The following SMG6 variants were observed in gnomAD, a reference collection of about 807,000 sequenced individuals.
SMG6 encodes telomerase-binding protein EST1A.
A neutral mutation model predicts 142.2 loss-of-function variants in SMG6; 66 were observed. The observed-to-expected ratio is 0.46, with a 90% CI of 0.38 to 0.57. The LOEUF (loss-of-function observed/expected upper bound fraction) is 0.57, where lower values mean the gene tolerates loss of function less well. Ranked by LOEUF, SMG6 falls within the 20% of genes least tolerant of loss-of-function variation. The pLI, the probability that SMG6 is intolerant of heterozygous loss-of-function variation, is 0.00. For synonymous variants in SMG6, 779 were observed against 702.4 expected, an observed-to-expected ratio of 1.11 and a Z score of -1.72; for missense variants, 1,793 against 1,832.0, an observed-to-expected ratio of 0.98 and a Z score of 0.39.
rs1158899807 is a variant in SMG6, at chr17:2,085,090, G to A, written c.3534+635C>T. 6.6e-6 allele frequency among the ~76,000 whole-genome samples: 1 copy of A among 152,140 alleles called. No homozygotes were observed. Among genetic ancestry groups the A allele is most frequent in the Non-Finnish European group, 1.5e-5 (1 of 68,042 alleles). On this transcript the variant is annotated intron_variant, in intron 14 of 18. Coordinates refer to ENST00000263073, the MANE Select transcript of SMG6 (RefSeq NM_017575.5). The surrounding 1 kb of genome is among the most constrained non-coding windows in gnomAD (Gnocchi z 4.1). ...GGCAACTGCCAGTGGACTATTGCAG[G>A]GGCGGGTACACAGGCTCATGCATGT...
intron 9 of SMG6, chr17:2,237,649 G>T: frequency 1.3e-6 from 1 of 756,784 alleles, no homozygotes; most frequent in Non-Finnish European, 1.6e-6. Flanking sequence ...AGGCTGTAAC[G>T]CAGGGAGGCA....
chr17:2,264,409 ACAAGTCCCT>A (rs2074378974), intron 8 of SMG6, among the ~76,000 whole-genome samples: 1 of 152,202 alleles, frequency 6.6e-6, no homozygotes, highest in Non-Finnish European at 1.5e-5. Context: ...TTGGCTTTGA[ACAAGTCCCT>A]CAAGTACACC....
chr17:2,293,731 C>T (rs2075089302), intron 4 of SMG6, among the ~76,000 whole-genome samples: 1 of 152,256 alleles, frequency 6.6e-6, no homozygotes, highest in South Asian at 2.1e-4. Flanking sequence ...GCCTCAGCAT[C>T]CCAAAGTGCT....
At chr17:2,172,903 C>A (rs1410027074) in intron 12 of SMG6, 44 bp from the exon 13 acceptor site, 6 of 1,566,248 alleles carry the variant, frequency 3.8e-6, no homozygotes, top group Middle Eastern at 1.7e-4. Context: ...AAAGAGGGAC[C>A]AGTAAAAAAA....
Position 2,283,844 on chromosome 17 carries a change from T to C in SMG6, c.2338-109A>G. The C allele has an allele frequency of 6.6e-6, 5 of 757,770 alleles. No individual in the cohort carries two copies. In the Admixed American group the frequency reaches 9.2e-5, roughly 14 times the overall value. The allele number at this position is 757,770 out of a possible 1,614,324, so 46.9% of individuals were successfully genotyped here. On this transcript the variant is annotated intron_variant, in intron 6 of 18. Transcript: ENST00000263073. ...ATCTCTCCCAGCCTGTCTCCCAAACTGAGAGGAATCCCAACAACAAAATCA... is the reference window on the plus strand; with the variant it reads ...ATCTCTCCCAGCCTGTCTCCCAAACCGAGAGGAATCCCAACAACAAAATCA...
At chr17:2,211,142 T>C (rs927513111) in intron 10 of SMG6, among the ~76,000 whole-genome samples, 1 of 149,592 alleles carries the variant, frequency 6.7e-6, no homozygotes, top group Non-Finnish European at 1.5e-5. Context: ...GAACATGCTA[T>C]AACAGGATGT....
chr17:2,290,291 G>A (rs923764678), intron 6 of SMG6, among the ~76,000 whole-genome samples: 1 of 152,116 alleles, frequency 6.6e-6, no homozygotes, highest in Admixed American at 6.6e-5. Flanking sequence ...TGAACAGAGA[G>A]GCCAGAAATA....
intron 10 of SMG6, chr17:2,215,436 A>G (rs945556105): frequency 6.6e-6 from 1 of 152,214 alleles, no homozygotes; most frequent in Non-Finnish European, 1.5e-5. Flanking sequence ...ACTCATTGAT[A>G]AGAGGAAACG....
At chr17:2,238,989 G>A (rs1191542016) in intron 9 of SMG6, among the ~76,000 whole-genome samples, 1 of 152,070 alleles carries the variant, frequency 6.6e-6, no homozygotes, top group African/African-American at 2.4e-5. Flanking sequence ...ACCACGGGAG[G>A]CACAGATAAA....
intron 13 of SMG6, among the ~76,000 whole-genome samples, chr17:2,146,705 A>T (rs2070679187): frequency 6.6e-6 from 1 of 152,258 alleles, no homozygotes; most frequent in Non-Finnish European, 1.5e-5. Context: ...AGCTAGGACT[A>T]CAGGCGCATG....
chr17:2,234,633 G>T (rs933175490), intron 10 of SMG6, among the ~76,000 whole-genome samples: 2 of 152,144 alleles, frequency 1.3e-5, no homozygotes, highest in African/African-American at 4.8e-5. Flanking sequence ...CTATTAAAAG[G>T]CCAAGGTATT....
At chr17:2,117,879 T>C (rs199763078) in intron 13 of SMG6, 2 of 152,320 alleles carry the variant, frequency 1.3e-5, no homozygotes, top group Admixed American at 6.5e-5. Flanking sequence ...TTTCAATAAA[T>C]AGTGCTGATA....
chr17:2,286,597 T>C (rs186167599), intron 6 of SMG6, among the ~76,000 whole-genome samples: 1 of 152,214 alleles, frequency 6.6e-6, no homozygotes, highest in African/African-American at 2.4e-5. Context: ...TATATAAAAA[T>C]TCACCTAAAA....
At chr17:2,118,984 T>C (rs2069594788) in intron 13 of SMG6, among the ~76,000 whole-genome samples, 1 of 149,164 alleles carries the variant, frequency 6.7e-6, no homozygotes, top group South Asian at 2.2e-4. Flanking sequence ...CACTGCAACC[T>C]CCGTCTCCCG....
chr17:2,133,950 T>C (rs1334388464), intron 13 of SMG6, among the ~76,000 whole-genome samples: 2 of 152,202 alleles, frequency 1.3e-5, no homozygotes, highest in Non-Finnish European at 2.9e-5. Flanking sequence ...GGTTCCAGTG[T>C]CTGCCAACTT....
At position 2,085,866 on chromosome 17, in the gene SMG6, C is replaced by T. The variant is rs1014607501; in HGVS notation, c.3393G>A (p.Leu1131=). 16 of 1,614,104 alleles carry T rather than the reference C, an allele frequency of 9.9e-6. No homozygotes were observed. In the South Asian group the frequency reaches 1.2e-4, roughly 12 times the overall value. Residue 1131 remains leucine (L), a synonymous_variant, in exon 14 of 19, where the codon CTG becomes CTA. Transcript: ENST00000263073. The surrounding 1 kb of genome is among the most constrained non-coding windows in gnomAD (Gnocchi z 4.1). The stretch of plus-strand genomic sequence containing the variant: ...CACAAAGGGCTTCCAGAAAATACTT[C>T]AGCACTGTGACCCTTTTGCAGTCAG... ...IAADCKRVTV[L]KYFLEALCGQ...
intron 13 of SMG6, among the ~76,000 whole-genome samples, chr17:2,145,146 T>C (rs2151584219): frequency 6.6e-6 from 1 of 152,282 alleles, no homozygotes; most frequent in Admixed American, 6.5e-5. Flanking sequence ...TCTCTCTCTG[T>C]CGCTCTGTTG....
intron 8 of SMG6, among the ~76,000 whole-genome samples, chr17:2,271,915 G>A (rs2074549825): frequency 6.6e-6 from 1 of 152,094 alleles, no homozygotes; most frequent in African/African-American, 2.4e-5. Flanking sequence ...AGCAAACTGT[G>A]GGGTAAAAGA....
At chr17:2,102,280 C>T (rs1338287310) in intron 13 of SMG6, among the ~76,000 whole-genome samples, 6 of 152,104 alleles carry the variant, frequency 3.9e-5, no homozygotes, top group African/African-American at 7.2e-5. Flanking sequence ...AATAATTAAA[C>T]CCAGCTAATT....
Sources: allele counts gnomAD v4.1 joint callset (sites outside exome capture counted in the v4.1 genomes callset), GRCh38; gene constraint gnomAD v4.1.1; non-coding constraint Gnocchi (gnomAD v3.1); transcripts MANE v1.5; gene names NCBI Gene and HGNC (gene_info 2026-07-23, HGNC 2026-07-21).